Variants in SNTB2 observed in about 807,000 individuals in gnomAD.
SNTB2 encodes the protein beta-2-syntrophin.
Under a neutral mutation model 46.2 loss-of-function variants are expected in SNTB2, and 34 were observed. The observed-to-expected ratio is 0.74, with a 90% confidence interval of 0.56 to 0.98. The LOEUF is 0.98. Among genes scored for constraint, SNTB2 ranks in the 50% least tolerant of loss-of-function variants. SNTB2 has a pLI of 0.00. For missense variants in SNTB2, 603 were observed against 731.4 expected, an observed-to-expected ratio of 0.82 and a Z score of 2.02; for synonymous variants, 290 against 312.6, an observed-to-expected ratio of 0.93 and a Z score of 0.76.
chr16:69,292,672 T>C (rs1020289568), intron 5 of SNTB2, among the ~76,000 whole-genome samples: 6 of 149,562 alleles, frequency 4.0e-5, no homozygotes, highest in Non-Finnish European at 7.4e-5. Context: ...AGGCTGGTCT[T>C]GAACGCCTGA....
intron 4 of SNTB2, among the ~76,000 whole-genome samples, chr16:69,278,451 T>G (rs1055774328): frequency 3.3e-5 from 5 of 151,680 alleles, no homozygotes; most frequent in East Asian, 1.9e-4. Flanking sequence ...CACTTTTTTT[T>G]GTAGGGTTTT....
rs745982817 is a variant in SNTB2, at chr16:69,300,804, A to G, written c.1531-28A>G. The G allele has an allele frequency of 1.0e-5, 14 of 1,403,750 alleles. No homozygotes were observed. In the South Asian group the frequency reaches 1.6e-4, roughly 16 times the overall value. 87.0% of individuals were successfully genotyped at this position (1,403,750 alleles called of 1,614,324 possible). A position where few individuals can be genotyped will look rare whatever the true frequency, so the allele number is the denominator to read the frequency against. On this transcript the variant is annotated intron_variant, in intron 6 of 6. Coordinates refer to ENST00000336278, the MANE Select transcript of SNTB2 (RefSeq NM_006750.4). Reference sequence around the variant, plus strand: ...AGTTGTCTGTATATGGTAGTGAGGTAGTGATGCTTAGTGTCCTTTCTCCAC... The same window carrying G: ...AGTTGTCTGTATATGGTAGTGAGGTGGTGATGCTTAGTGTCCTTTCTCCAC...
Position 69,284,459 on chromosome 16 carries a change from T to TGAAAAAAAAAAAAA in SNTB2, c.1345+215_1345+216insGAAAAAAAAAAAAA, listed in dbSNP as rs1567414678. On this transcript the variant is annotated intron_variant, in intron 5 of 6. Transcript: ENST00000336278. ...CAACATGGTGAAACCCCGTCTTTAC[T>TGAAAAAAAAAAAAA]AAAAAAAAAAAAAAAAAAAAAAAAA... Among the ~76,000 whole-genome samples, 3 of 45,908 alleles carry TGAAAAAAAAAAAAA rather than the reference T, an allele frequency of 6.5e-5. 1 individual carries two copies. Among genetic ancestry groups the TGAAAAAAAAAAAAA allele is most frequent in the African/African-American group, 2.5e-4 (3 of 11,782 alleles). The allele number at this position is 45,908 out of a possible 152,430, so 30.1% of individuals were successfully genotyped here.
At position 69,218,420 on chromosome 16, in the gene SNTB2, CTTCT is replaced by C. The variant is rs1964369524; in HGVS notation, c.581-27179_581-27176del. Among the ~76,000 whole-genome samples, 3 of 150,388 alleles carry C rather than the reference CTTCT, an allele frequency of 2.0e-5. No homozygotes were observed. In the South Asian group the frequency reaches 6.3e-4, roughly 32 times the overall value. On this transcript the variant is annotated intron_variant, in intron 1 of 6. Transcript: ENST00000336278. ...GATGGTTCCATTTTCTTTTCTTCTT[CTTCT>C]TTTTTTTTTTTTCTTGAGATGGAGT...
intron 1 of SNTB2, among the ~76,000 whole-genome samples, chr16:69,195,414 G>A (rs1444840037): frequency 6.6e-6 from 1 of 151,796 alleles, no homozygotes; most frequent in African/African-American, 2.4e-5. Flanking sequence ...GGGATTACAG[G>A]CATGAACTAA....
At chr16:69,239,174 CTT>C (rs1567404782) in intron 1 of SNTB2, among the ~76,000 whole-genome samples, 2 of 152,262 alleles carry the variant, frequency 1.3e-5, no homozygotes, top group East Asian at 3.9e-4. Flanking sequence ...CTCCTAAAGT[CTT>C]TGTTCAAACA....
intron 1 of SNTB2, among the ~76,000 whole-genome samples, chr16:69,214,855 T>C (rs780856722): frequency 4.7e-5 from 7 of 150,336 alleles, no homozygotes; most frequent in Non-Finnish European, 1.0e-4. Flanking sequence ...TAATTTAATT[T>C]AATTTTGACA....
intron 3 of SNTB2, among the ~76,000 whole-genome samples, chr16:69,265,305 T>C (rs1292170828): frequency 6.6e-6 from 1 of 152,208 alleles, no homozygotes; most frequent in African/African-American, 2.4e-5. Context: ...GTCACTACTT[T>C]ATGCCTTTTA....
intron 2 of SNTB2, among the ~76,000 whole-genome samples, chr16:69,253,891 T>A (rs1424125105): frequency 6.6e-6 from 1 of 152,100 alleles, no homozygotes; most frequent in Non-Finnish European, 1.5e-5. Context: ...GTCCTAGGAA[T>A]TGTATGATGT....
chr16:69,278,315 C>T (rs1299182281), intron 4 of SNTB2, among the ~76,000 whole-genome samples: 1 of 150,420 alleles, frequency 6.6e-6, no homozygotes, highest in Non-Finnish European at 1.5e-5. Context: ...GACCCTGTCT[C>T]AAAATGAAAA....
chr16:69,237,449 A>G (rs960619228), intron 1 of SNTB2, among the ~76,000 whole-genome samples: 5 of 152,060 alleles, frequency 3.3e-5, no homozygotes, highest in African/African-American at 1.2e-4. Context: ...AGAAACAATA[A>G]GCAGAAATTG....
At chr16:69,261,513 T>C (rs1964834599) in intron 3 of SNTB2, among the ~76,000 whole-genome samples, 1 of 152,092 alleles carries the variant, frequency 6.6e-6, no homozygotes, top group Non-Finnish European at 1.5e-5. Flanking sequence ...TATGAACATT[T>C]CAAATAAAAT....
chr16:69,209,269 GT>G (rs1481996400), intron 1 of SNTB2, among the ~76,000 whole-genome samples: 1 of 152,096 alleles, frequency 6.6e-6, no homozygotes, highest in African/African-American at 2.4e-5. Flanking sequence ...ATTTTTGAAT[GT>G]TTTATATCAA....
At chr16:69,208,776 A>G (rs531660239) in intron 1 of SNTB2, among the ~76,000 whole-genome samples, 3 of 152,212 alleles carry the variant, frequency 2.0e-5, no homozygotes, top group South Asian at 2.1e-4. Context: ...CAGGCGGATC[A>G]TGAGATCAGG....
At chr16:69,239,965 T>C (rs1189690129) in intron 1 of SNTB2, among the ~76,000 whole-genome samples, 1 of 152,222 alleles carries the variant, frequency 6.6e-6, no homozygotes, top group Non-Finnish European at 1.5e-5. Flanking sequence ...AATAGTTTGT[T>C]CCTTTTTATT....
chr16:69,265,879 G>A (rs1964879538), intron 3 of SNTB2, among the ~76,000 whole-genome samples: 1 of 151,630 alleles, frequency 6.6e-6, no homozygotes, highest in African/African-American at 2.4e-5. Context: ...CTGTAGTTTG[G>A]CCAGGTTTGT....
chr16:69,216,092 C>T (rs1333667909), intron 1 of SNTB2, among the ~76,000 whole-genome samples: 1 of 152,162 alleles, frequency 6.6e-6, no homozygotes, highest in Non-Finnish European at 1.5e-5. Context: ...CAGGGATTAA[C>T]AGACAGGAGC....
Position 69,262,564 on chromosome 16 carries a change from G to A in SNTB2, c.1005+2304G>A, listed in dbSNP as rs530304529. On this transcript the variant is annotated intron_variant, in intron 3 of 6. Coordinates refer to ENST00000336278, the MANE Select transcript of SNTB2 (RefSeq NM_006750.4). Reference sequence around the variant, plus strand: ...GGGATACGGTATAATGTTTTGATACGTGTATACATTGTGGAATGCTCAAAT... The same window carrying A: ...GGGATACGGTATAATGTTTTGATACATGTATACATTGTGGAATGCTCAAAT... Among the ~76,000 whole-genome samples, 13 of 151,902 alleles carry A rather than the reference G, an allele frequency of 8.6e-5. No homozygotes were observed. The South Asian group carries it at 2.3e-3, about 27-fold the overall frequency.
At chr16:69,219,501 C>T (rs1368270144) in intron 1 of SNTB2, among the ~76,000 whole-genome samples, 1 of 152,118 alleles carries the variant, frequency 6.6e-6, no homozygotes, top group Non-Finnish European at 1.5e-5. Flanking sequence ...GTCATTACTA[C>T]ACATATGATT....
Sources: allele counts gnomAD v4.1 joint callset (sites outside exome capture counted in the v4.1 genomes callset), GRCh38; gene constraint gnomAD v4.1.1; transcripts MANE v1.5; gene names NCBI Gene and HGNC (gene_info 2026-07-23, HGNC 2026-07-21).